Variants in CALN1 observed in about 807,000 individuals in gnomAD.
CALN1 encodes the protein calneuron 1.
In CALN1, 17 loss-of-function variants were observed where a neutral mutation model predicts 30.6. The ratio of observed to expected loss-of-function variants is 0.56; its 90% CI spans 0.38 to 0.83. The LOEUF is 0.83. CALN1 is among the 40% of genes least tolerant of loss of function. The pLI is 0.00. For missense variants in CALN1, 291 were observed against 354.9 expected (o/e 0.82, Z 1.45); for synonymous variants, 156 against 131.4 (o/e 1.19, Z -1.28).
intron 2 of CALN1, among the ~76,000 whole-genome samples, chr7:72,367,490 T>TG (rs1162281887): frequency 6.6e-6 from 1 of 151,954 alleles, no homozygotes; most frequent in Non-Finnish European, 1.5e-5. Context: ...AACGGTGTGG[T>TG]GGTGCATGCC....
At chr7:72,088,115 C>T (rs1376177038) in intron 4 of CALN1, among the ~76,000 whole-genome samples, 1 of 152,146 alleles carries the variant, frequency 6.6e-6, no homozygotes, top group African/African-American at 2.4e-5. Context: ...TTACAGTGAG[C>T]TTTGATTGCA....
the CALN1 span, among the ~76,000 whole-genome samples, chr7:72,470,186 C>A: frequency 6.6e-6 from 1 of 152,106 alleles, no homozygotes; most frequent in African/African-American, 2.4e-5. Context: ...CTCTCTGACC[C>A]CTCAGCTTTG....
intron 5 of CALN1, among the ~76,000 whole-genome samples, chr7:71,940,712 T>C (rs1195173170): frequency 6.6e-6 from 1 of 152,112 alleles, no homozygotes; most frequent in Non-Finnish European, 1.5e-5. Flanking sequence ...CAAGCGATCC[T>C]GCGATCCTCC....
intron 5 of CALN1, among the ~76,000 whole-genome samples, chr7:71,972,058 T>C (rs866155925): frequency 6.6e-6 from 1 of 151,208 alleles, no homozygotes; most frequent in Middle Eastern, 3.5e-3. Context: ...GTTGACGCTA[T>C]TTGCTCAAGC....
At chr7:72,063,444 G>A (rs1803802612) in intron 4 of CALN1, among the ~76,000 whole-genome samples, 1 of 152,150 alleles carries the variant, frequency 6.6e-6, no homozygotes, top group African/African-American at 2.4e-5. Flanking sequence ...CTGTGAAGAT[G>A]CAATATATAG....
chr7:72,337,350 C>G (rs896592728), intron 2 of CALN1: 2 of 946,640 alleles, frequency 2.1e-6, no homozygotes, highest in Non-Finnish European at 2.5e-6. Context: ...CTCCGCCTCT[C>G]CAATGGCTCC....
At chr7:72,029,486 G>A (rs1801300748) in intron 4 of CALN1, among the ~76,000 whole-genome samples, 1 of 152,106 alleles carries the variant, frequency 6.6e-6, no homozygotes, top group South Asian at 2.1e-4. Flanking sequence ...TGATAGGAAT[G>A]TCTTTTGTTC....
chr7:72,405,043 C>T (rs1806605617), intron 1 of CALN1, among the ~76,000 whole-genome samples: 1 of 152,134 alleles, frequency 6.6e-6, no homozygotes. Context: ...GTCTGGGTGC[C>T]CCAACCTCCG....
chr7:72,177,843 T>C (rs1789475583), intron 3 of CALN1, among the ~76,000 whole-genome samples: 2 of 151,948 alleles, frequency 1.3e-5, no homozygotes, highest in Non-Finnish European at 1.5e-5. Context: ...AACCAGGCTA[T>C]TTGCTCCTTA....
chr7:71,991,458 C>CA (rs113140116), intron 5 of CALN1, among the ~76,000 whole-genome samples: 5,167 of 122,800 alleles, frequency 0.042, 242 homozygotes, highest in African/African-American at 0.13. Flanking sequence ...GATTCTGTCT[C>CA]AAAAAAAAAA....
At chr7:71,927,590 C>G (rs1440065582) in intron 5 of CALN1, among the ~76,000 whole-genome samples, 4 of 152,064 alleles carry the variant, frequency 2.6e-5, no homozygotes. Flanking sequence ...CTGTTTATCC[C>G]TTAGCTTTTG....
chr7:72,029,179 T>C, intron 4 of CALN1, among the ~76,000 whole-genome samples: 1 of 151,934 alleles, frequency 6.6e-6, no homozygotes, highest in East Asian at 2.0e-4. Context: ...CAGGCTGGAG[T>C]GCAGTGGCAC....
intron 5 of CALN1, among the ~76,000 whole-genome samples, chr7:71,815,679 C>A (rs1247202117): frequency 6.6e-6 from 1 of 152,088 alleles, no homozygotes; most frequent in Non-Finnish European, 1.5e-5. Context: ...AAGTTTTAGA[C>A]TCTTTTTTCC....
chr7:72,410,659 C>T (rs1326506076), intron 1 of CALN1, among the ~76,000 whole-genome samples: 1 of 152,080 alleles, frequency 6.6e-6, no homozygotes, highest in Non-Finnish European at 1.5e-5. Flanking sequence ...ACACCCTAAA[C>T]CCTGGTTCTT....
the CALN1 span, among the ~76,000 whole-genome samples, chr7:72,499,369 T>G: frequency 2.6e-5 from 4 of 152,048 alleles, no homozygotes; most frequent in Non-Finnish European, 2.9e-5. Flanking sequence ...GGAATAATAT[T>G]ATTTGGAAAA....
intron 4 of CALN1, among the ~76,000 whole-genome samples, chr7:72,063,820 A>T (rs978970452): frequency 6.6e-6 from 1 of 152,182 alleles, no homozygotes; most frequent in Non-Finnish European, 1.5e-5. Flanking sequence ...CCAATCAGTA[A>T]GTATAATACA....
chr7:72,319,084 T>C (rs2129557108), intron 2 of CALN1, among the ~76,000 whole-genome samples: 1 of 152,284 alleles, frequency 6.6e-6, no homozygotes, highest in South Asian at 2.1e-4. Context: ...TCTGCACCCA[T>C]ATGTTTATCC....
intron 3 of CALN1, among the ~76,000 whole-genome samples, chr7:72,271,912 T>C (rs546129783): frequency 4.6e-5 from 7 of 150,798 alleles, no homozygotes; most frequent in Non-Finnish European, 8.9e-5. Context: ...AAATACAAAA[T>C]GTAGGCGGGC....
chr7:72,035,018 A>G (rs1038719874), intron 4 of CALN1, among the ~76,000 whole-genome samples: 1 of 152,146 alleles, frequency 6.6e-6, no homozygotes, highest in African/African-American at 2.4e-5. Context: ...CGAAAAACTA[A>G]TAATAGCAAT....
Sources: allele counts gnomAD v4.1 joint callset (sites outside exome capture counted in the v4.1 genomes callset), GRCh38; gene constraint gnomAD v4.1.1; transcripts MANE v1.5; gene names NCBI Gene and HGNC (gene_info 2026-07-23, HGNC 2026-07-21).